The following MPDZ variants were observed in gnomAD, a reference collection of about 807,000 sequenced individuals.
MPDZ encodes the protein multiple PDZ domain protein.
Under a neutral mutation model 239.1 loss-of-function variants are expected in MPDZ, and 234 were observed. That is an observed-to-expected ratio of 0.98 (90% CI 0.88 to 1.09). MPDZ has a LOEUF of 1.09. MPDZ is among the 50% of genes least tolerant of loss of function. The pLI, the probability that MPDZ is intolerant of heterozygous loss-of-function variation, is 0.00. For missense variants in MPDZ, 3,175 were observed against 2,510.0 expected, an observed-to-expected ratio of 1.26 and a Z score of -5.66; for synonymous variants, 1,048 against 881.3, an observed-to-expected ratio of 1.19 and a Z score of -3.35.
Position 13,219,668 on chromosome 9 carries a change from C to G in MPDZ, c.977G>C (p.Gly326Ala), listed in dbSNP as rs1340247120. 1.1e-5 allele frequency: 18 copies of G among 1,612,608 alleles called. No individual in the cohort carries two copies. The highest frequency in any genetic ancestry group is 1.5e-5 in the Non-Finnish European group (18 of 1,179,268). ...TGCAATCATCAACTTAACTCTATTT[C>G]CACATTGCCTAAGGACTTGTGCTAC... ...EQVAQVLRQC[G>A]NRVKLMIARG... Residue 326 changes from glycine to alanine, a missense_variant, in exon 8 of 47, where the codon GGA becomes GCA. Physicochemically the swap from Gly to Ala is moderately conservative, Grantham distance 60 (BLOSUM62 0). Transcript: ENST00000319217.
chr9:13,207,748 T>C (rs935957146), intron 10 of MPDZ, among the ~76,000 whole-genome samples: 2 of 152,186 alleles, frequency 1.3e-5, no homozygotes, highest in African/African-American at 4.8e-5. Flanking sequence ...CTCTGTATCA[T>C]TTTTCCTTAT....
chr9:13,144,146 A>C (rs970029608), intron 26 of MPDZ, among the ~76,000 whole-genome samples: 3 of 152,072 alleles, frequency 2.0e-5, no homozygotes, highest in Non-Finnish European at 2.9e-5. Context: ...TTAAAAAATG[A>C]ACTCCTGTAG....
At chr9:13,139,951 T>G in intron 28 of MPDZ, 36 bp downstream of exon 28, 1 of 1,612,406 alleles carries the variant, frequency 6.2e-7, no homozygotes, top group Middle Eastern at 1.7e-4. Context: ...TTTTAATACC[T>G]CTTACAATTA....
At chr9:13,264,372 TGAGTTA>T (rs1292392596) in intron 1 of MPDZ, among the ~76,000 whole-genome samples, 1 of 152,172 alleles carries the variant, frequency 6.6e-6, no homozygotes, top group Non-Finnish European at 1.5e-5. Context: ...TATGATACTT[TGAGTTA>T]AATACCCTTA....
chr9:13,164,292 T>C (rs958214445), intron 22 of MPDZ, among the ~76,000 whole-genome samples: 2 of 152,212 alleles, frequency 1.3e-5, no homozygotes, highest in Admixed American at 6.6e-5. Context: ...ACATCTTCTC[T>C]ATGGTGCTAC....
chr9:13,163,780 G>T (rs1950736026), intron 22 of MPDZ, among the ~76,000 whole-genome samples: 1 of 151,992 alleles, frequency 6.6e-6, no homozygotes. Flanking sequence ...GCACTGGAGG[G>T]CAAAGATAAA....
intron 1 of MPDZ, among the ~76,000 whole-genome samples, chr9:13,254,166 T>C (rs1968828220): frequency 6.6e-6 from 1 of 152,142 alleles, no homozygotes; most frequent in Non-Finnish European, 1.5e-5. Flanking sequence ...AAGTCTGAAA[T>C]GGAATAGACT....
At chr9:13,168,313 T>A in intron 22 of MPDZ, 53 bp downstream of exon 22, 1 of 1,504,230 alleles carries the variant, frequency 6.6e-7, no homozygotes, top group East Asian at 2.3e-5. Context: ...GAATTCTGAT[T>A]AATTGAAATT....
intron 21 of MPDZ, among the ~76,000 whole-genome samples, chr9:13,170,904 C>A (rs1479153576): frequency 2.0e-5 from 3 of 152,292 alleles, no homozygotes; most frequent in Non-Finnish European, 4.4e-5. Context: ...TCTCCACTAA[C>A]CAGATTTTGG....
At position 13,224,476 on chromosome 9, in the gene MPDZ, TG is replaced by T; in HGVS notation, c.290del (p.Pro97GlnfsTer39). The T allele has an allele frequency of 6.2e-7, 1 of 1,612,922 alleles. No individual in the cohort carries two copies. Among genetic ancestry groups the T allele is most frequent in the South Asian group, 1.1e-5 (1 of 91,048 alleles). ...TAAGTGCTTCCAGATTCCCATTGTT[TG>T]GGGATAATAAAAACGATTCATTTTG... The part of the protein sequence containing the change: ...TLQNESFLLS[P>X]NNGNLEALTG... On this transcript the variant is annotated frameshift_variant, in exon 4 of 47. Coordinates refer to ENST00000319217, the MANE Select transcript of MPDZ (RefSeq NM_001378778.1). LOFTEE classifies it high-confidence loss of function.
intron 1 of MPDZ, among the ~76,000 whole-genome samples, chr9:13,259,427 A>G (rs1191418360): frequency 6.6e-6 from 1 of 152,170 alleles, no homozygotes; most frequent in East Asian, 1.9e-4. Flanking sequence ...GCAAATACAC[A>G]TGGGGCACTT....
chr9:13,250,975 A>G (rs1444746929), intron 1 of MPDZ, among the ~76,000 whole-genome samples: 1 of 151,772 alleles, frequency 6.6e-6, no homozygotes, highest in East Asian at 1.9e-4. Context: ...CTACAAATAC[A>G]AAAATTAGCT....
intron 24 of MPDZ, among the ~76,000 whole-genome samples, chr9:13,154,349 T>A (rs937036102): frequency 3.9e-5 from 6 of 152,092 alleles, no homozygotes; most frequent in African/African-American, 1.2e-4. Flanking sequence ...AAAGGCAGCC[T>A]ATTTGAGTTT....
At chr9:13,250,875 T>C (rs901775407) in intron 1 of MPDZ, among the ~76,000 whole-genome samples, 1 of 152,056 alleles carries the variant, frequency 6.6e-6, no homozygotes, top group African/African-American at 2.4e-5. Context: ...ACATCTTTAA[T>C]CCCAGCACTT....
At chr9:13,234,921 A>C (rs1254945434) in intron 3 of MPDZ, among the ~76,000 whole-genome samples, 1 of 152,134 alleles carries the variant, frequency 6.6e-6, no homozygotes, top group African/African-American at 2.4e-5. Context: ...ACTCTCTGGA[A>C]ATGATCCCAA....
chr9:13,177,615 C>A (rs1469628035), intron 19 of MPDZ, among the ~76,000 whole-genome samples: 1 of 152,176 alleles, frequency 6.6e-6, no homozygotes, highest in African/African-American at 2.4e-5. Context: ...AAGTCAACTT[C>A]AATTTTCTTA....
At chr9:13,240,500 T>C (rs1380643484) in intron 3 of MPDZ, among the ~76,000 whole-genome samples, 1 of 147,558 alleles carries the variant, frequency 6.8e-6, no homozygotes, top group East Asian at 2.0e-4. Context: ...TCTTCAGGGA[T>C]GCTATTAACA....
At chr9:13,248,730 G>C (rs1431650103) in intron 2 of MPDZ, among the ~76,000 whole-genome samples, 1 of 151,752 alleles carries the variant, frequency 6.6e-6, no homozygotes, top group Non-Finnish European at 1.5e-5. Context: ...CAGTTTGGGA[G>C]GCTGAGGCGG....
rs373981459 is a variant in MPDZ, at chr9:13,257,505, T to G, written c.-57-7133A>C. On this transcript the variant is annotated intron_variant, in intron 1 of 46. Coordinates refer to ENST00000319217, the MANE Select transcript of MPDZ (RefSeq NM_001378778.1). ...ACACGGTGAAAATATATTGTCAAAT[T>G]TATAAAAAAGAAGATACAGAACAAG... is the stretch of plus-strand genomic sequence containing the variant. Among the ~76,000 whole-genome samples, 6 of 152,254 alleles carry G rather than the reference T, an allele frequency of 3.9e-5. No individual in the cohort carries two copies. The East Asian group carries it at 5.8e-4, about 15-fold the overall frequency.
Sources: gnomAD v4.1 joint callset for allele counts (sites outside exome capture counted in the v4.1 genomes callset) on GRCh38, gnomAD v4.1.1 for gene constraint, MANE v1.5 for transcripts, NCBI Gene and HGNC (gene_info 2026-07-23, HGNC 2026-07-21) for gene names.